Variants in DNHD1 observed in about 807,000 individuals in gnomAD.
DNHD1 encodes the protein dynein heavy chain domain-containing protein 1.
A neutral mutation model predicts 458.1 loss-of-function variants in DNHD1; 383 were observed. The observed-to-expected ratio is 0.84, with a 90% confidence interval of 0.77 to 0.91. DNHD1 has a LOEUF of 0.91. DNHD1 is among the 40% of genes least tolerant of loss of function. The pLI, the probability that DNHD1 is intolerant of heterozygous loss-of-function variation, is 0.00. For missense variants in DNHD1, 5,336 were observed against 5,866.1 expected, an observed-to-expected ratio of 0.91 and a Z score of 2.95; for synonymous variants, 2,203 against 2,376.9, an observed-to-expected ratio of 0.93 and a Z score of 2.13.
At chr11:6,526,365 CTTGTTT>C (rs1246992263) in intron 10 of DNHD1, among the ~76,000 whole-genome samples, 1 of 151,808 alleles carries the variant, frequency 6.6e-6, no homozygotes, top group Admixed American at 6.6e-5. Context: ...TGTCTTTTAG[CTTGTTT>C]TGAAATAGGC....
At chr11:6,529,147 C>T (rs1413213737) in intron 12 of DNHD1, 26 bp downstream of exon 12, 2 of 1,548,648 alleles carry the variant, frequency 1.3e-6, no homozygotes, top group Middle Eastern at 2.2e-4. Flanking sequence ...CTTCCCTCTC[C>T]TCCTTCCCTT....
chr11:6,563,275 A>G, intron 29 of DNHD1, 107 bp from the exon 30 acceptor site: 1 of 1,497,164 alleles, frequency 6.7e-7, no homozygotes, highest in South Asian at 1.2e-5. Flanking sequence ...TGGCTTGGGG[A>G]GTGGCCTCTC....
intron 28 of DNHD1, among the ~76,000 whole-genome samples, chr11:6,562,319 A>C (rs563931032): frequency 1.3e-5 from 2 of 152,300 alleles, no homozygotes; most frequent in South Asian, 4.1e-4. Context: ...CGCATAACCA[A>C]TACATTCATT....
At position 6,498,469 on chromosome 11, in the gene DNHD1, A is replaced by T. The variant is rs1460566805; in HGVS notation, c.254A>T (p.His85Leu). 1.9e-6 allele frequency: 3 copies of T among 1,614,168 alleles called. No homozygotes were observed. The highest frequency in any genetic ancestry group is 2.5e-6 in the Non-Finnish European group (3 of 1,180,034). Reference sequence around the variant, plus strand: ...AGCCCTGCAGCTTGGCGCTATCTTCATGCAGTACTGGGTCTACTGCCTCCA... The same window carrying T: ...AGCCCTGCAGCTTGGCGCTATCTTCTTGCAGTACTGGGTCTACTGCCTCCA... Reference protein sequence around the residue: ...DSSPAAWRYLHAVLGLLPPYR... With the variant: ...DSSPAAWRYLLAVLGLLPPYR... The change falls in exon 3 of 43, where the codon CAT becomes CTT. Residue 85 changes from histidine to leucine, a missense_variant. Physicochemically the swap from His to Leu is moderately conservative, Grantham distance 99 (BLOSUM62 -3). Coordinates refer to ENST00000254579, the MANE Select transcript of DNHD1 (RefSeq NM_144666.3).
chr11:6,538,571 G>C, intron 15 of DNHD1, 41 bp from the exon 16 acceptor site: 1 of 1,550,754 alleles, frequency 6.4e-7, no homozygotes, highest in Non-Finnish European at 8.7e-7. Flanking sequence ...GGTGGGGGAG[G>C]GGAAGAGTCT....
intron 7 of DNHD1, among the ~76,000 whole-genome samples, chr11:6,516,823 C>T (rs143711264): frequency 6.2e-4 from 94 of 152,172 alleles, no homozygotes; most frequent in African/African-American, 2.2e-3. Flanking sequence ...GAATAAGAAC[C>T]TTAGCATTAT....
chr11:6,558,466 G>A lies in DNHD1; in HGVS notation c.9003-19G>A. On this transcript the variant is annotated intron_variant, in intron 25 of 42. Coordinates refer to ENST00000254579, the MANE Select transcript of DNHD1 (RefSeq NM_144666.3). ...AGCAAAGGTAAAGGGGAGGACATTAGCTGAGCCCTGGCCCACAGGTTCCAC... is the reference window on the plus strand; with the variant it reads ...AGCAAAGGTAAAGGGGAGGACATTAACTGAGCCCTGGCCCACAGGTTCCAC... 1.3e-6 allele frequency: 2 copies of A among 1,551,190 alleles called. No individual in the cohort carries two copies. Among genetic ancestry groups the A allele is most frequent in the Non-Finnish European group, 8.7e-7 (1 of 1,146,952 alleles).
At chr11:6,516,213 T>G (rs1852460875) in intron 7 of DNHD1, among the ~76,000 whole-genome samples, 1 of 152,112 alleles carries the variant, frequency 6.6e-6, no homozygotes, top group Non-Finnish European at 1.5e-5. Flanking sequence ...TTTTGCAACA[T>G]GTATTTTAAA....
At chr11:6,535,520 A>G (rs1852928490) in intron 14 of DNHD1, among the ~76,000 whole-genome samples, 1 of 152,208 alleles carries the variant, frequency 6.6e-6, no homozygotes, top group Admixed American at 6.5e-5. Context: ...AGAAAGTAAG[A>G]AAGTATTAAA....
chr11:6,529,269 C>A, intron 12 of DNHD1, 148 bp downstream of exon 12: 1 of 876,150 alleles, frequency 1.1e-6, no homozygotes, highest in Non-Finnish European at 1.7e-6. Flanking sequence ...AGGTCCCAGG[C>A]CCTTTCCTTT....
In DNHD1 at chr11:6,557,866, G is replaced by C; in HGVS notation, c.8571G>C (p.Lys2857Asn). The change falls in exon 25 of 43, where the codon AAG (lysine) becomes AAC (asparagine). Residue 2857 changes from lysine (K) to asparagine (N), a missense_variant. By Grantham distance (94) the Lys-to-Asn change is moderately conservative. Coordinates refer to ENST00000254579, the MANE Select transcript of DNHD1 (RefSeq NM_144666.3). ...TGGCCACCTCAGCTGCTCAACTGAA[G>C]TTGAGCCCCCACCTGGCCCGGTGTC... ...EQLATSAAQL[K>N]LSPHLARCHS... 1 of 1,551,132 alleles carries C rather than the reference G, an allele frequency of 6.4e-7. No individual in the cohort carries two copies. Among genetic ancestry groups the C allele is most frequent in the Non-Finnish European group, 8.7e-7 (1 of 1,146,948 alleles).
Position 6,545,855 on chromosome 11 carries a change from G to A in DNHD1, c.4916G>A (p.Trp1639Ter). 1 of 1,551,856 alleles carries A rather than the reference G, an allele frequency of 6.4e-7. No individual in the cohort carries two copies. Among genetic ancestry groups the A allele is most frequent in the Admixed American group, 2.0e-5 (1 of 51,012 alleles). Residue 1639 changes from tryptophan to a stop codon, truncating the protein, a stop_gained, in exon 21 of 43, where the codon TGG becomes TAG. Coordinates refer to ENST00000254579, the MANE Select transcript of DNHD1 (RefSeq NM_144666.3). LOFTEE classifies it high-confidence loss of function. The surrounding 1 kb of genome is among the most constrained non-coding windows in gnomAD (Gnocchi z 4.9). ...SEPSLSPAAC[W>*]IDVLGRSFLY... is the part of the protein sequence containing the mutation. ...CCCTCTCTGTCACCAGCGGCATGCTGGATAGATGTGCTAGGCAGGTCCTTC... is the reference window on the plus strand; with the variant it reads ...CCCTCTCTGTCACCAGCGGCATGCTAGATAGATGTGCTAGGCAGGTCCTTC...
chr11:6,498,395 C>G lies in DNHD1; in HGVS notation c.180C>G (p.Leu60=), dbSNP rs367954626. The part of the protein sequence containing the change: ...TESEQPTVLE[L]LLAELRTLFS... ...CAGAGCAGCCCACAGTGCTGGAACT[C>G]CTGCTAGCTGAGCTCCGAACTCTGT... The change falls in exon 3 of 43, where the codon CTC becomes CTG. Residue 60 remains leucine (L), a synonymous_variant. Transcript: ENST00000254579. 60 of 1,614,106 alleles carry G rather than the reference C, an allele frequency of 3.7e-5. No homozygotes were observed. Among genetic ancestry groups the G allele is most frequent in the African/African-American group, 4.0e-5 (3 of 74,944 alleles).
At chr11:6,530,566 T>G (rs1410974231) in intron 12 of DNHD1, among the ~76,000 whole-genome samples, 1 of 152,240 alleles carries the variant, frequency 6.6e-6, no homozygotes, top group African/African-American at 2.4e-5. Flanking sequence ...GACTAGATCC[T>G]GTTGGACCCG....
In DNHD1 at chr11:6,498,541, A is replaced by G; in HGVS notation, c.326A>G (p.Glu109Gly). 1.9e-6 allele frequency: 3 copies of G among 1,614,170 alleles called. No individual in the cohort carries two copies. Among genetic ancestry groups the G allele is most frequent in the Admixed American group, 1.7e-5 (1 of 60,026 alleles). ...VGHLDLLPFL[E>G]QLYCWAPWVQ... ...CACCTTGATTTGCTGCCCTTCCTGG[A>G]GCAGCTGTACTGCTGGGCACCCTGG... Residue 109 changes from glutamate to glycine, a missense_variant, in exon 3 of 43, where the codon GAG (glutamate) becomes GGG (glycine). Physicochemically the swap from Glu to Gly is moderately conservative, Grantham distance 98. Around this residue, in one of 4 missense-constraint regions of DNHD1, gnomAD observed 3,932 missense variants for 4,365.6 expected, o/e 0.90. Coordinates refer to ENST00000254579, the MANE Select transcript of DNHD1 (RefSeq NM_144666.3).
In DNHD1 at chr11:6,552,237, G is replaced by T. The variant is rs919765356; in HGVS notation, c.7387+3304G>T. 6.8e-5 allele frequency among the ~76,000 whole-genome samples: 9 copies of T among 132,022 alleles called. 1 individual carries two copies. Among genetic ancestry groups the T allele is most frequent in the Non-Finnish European group, 1.3e-4 (8 of 63,140 alleles). 86.6% of individuals were successfully genotyped at this position (132,022 alleles called of 152,430 possible). A position where few individuals can be genotyped will look rare whatever the true frequency, so the allele number is the denominator to read the frequency against. Reference sequence around the variant, plus strand: ...ACTGGGTAATTCATAAAGAAAAGAGGGTTAGGCCAGGCATGGTGGCTCACG... The same window carrying T: ...ACTGGGTAATTCATAAAGAAAAGAGTGTTAGGCCAGGCATGGTGGCTCACG... On this transcript the variant is annotated intron_variant, in intron 24 of 42. Transcript: ENST00000254579.
rs772646153 is a variant in DNHD1, at chr11:6,548,237, A to G, written c.6933A>G (p.Ile2311Met). Residue 2311 changes from isoleucine (I) to methionine (M), a missense_variant, in exon 23 of 43, where the codon ATA becomes ATG. This residue lies in a region of DNHD1 where 3,932 missense variants were observed against 4,365.6 expected (regional missense o/e 0.90). Coordinates refer to ENST00000254579, the MANE Select transcript of DNHD1 (RefSeq NM_144666.3). The surrounding 1 kb of genome is among the most constrained non-coding windows in gnomAD (Gnocchi z 4.4). ...SRFWPIFDTFIRDSISRLSNY... is the reference protein window; with the variant it reads ...SRFWPIFDTFMRDSISRLSNY... ...TCTGGCCCATCTTTGATACCTTCATAAGGGATTCTATTAGTCGCCTCTCCA... is the reference window on the plus strand; with the variant it reads ...TCTGGCCCATCTTTGATACCTTCATGAGGGATTCTATTAGTCGCCTCTCCA... 3.9e-5 allele frequency: 60 copies of G among 1,551,488 alleles called. No individual in the cohort carries two copies. The highest frequency in any genetic ancestry group is 5.9e-5 in the Admixed American group (3 of 50,978).
At position 6,533,834 on chromosome 11, in the gene DNHD1, A is replaced by G; in HGVS notation, c.2659A>G (p.Ile887Val). 1 of 1,551,174 alleles carries G rather than the reference A, an allele frequency of 6.4e-7. No individual in the cohort carries two copies. Among genetic ancestry groups the G allele is most frequent in the Non-Finnish European group, 8.7e-7 (1 of 1,146,894 alleles). The change falls in exon 14 of 43, where the codon ATC (isoleucine) becomes GTC (valine). Residue 887 changes from isoleucine to valine, a missense_variant. By Grantham distance (29) the Ile-to-Val change is conservative. Transcript: ENST00000254579. ...GAGAAGGCAATTCGGGGAGTCACCCATCCCTCCCTGCCCTCCTCCCCCACA... is the reference window on the plus strand; with the variant it reads ...GAGAAGGCAATTCGGGGAGTCACCCGTCCCTCCCTGCCCTCCTCCCCCACA... ...SVRRQFGESP[I>V]PPCPPPPQPH...
chr11:6,519,456 TA>T, intron 7 of DNHD1, 143 bp from the exon 8 acceptor site: 1 of 863,208 alleles, frequency 1.2e-6, no homozygotes, highest in Non-Finnish European at 1.8e-6. Context: ...TGGGGTAGGG[TA>T]AACTCTACTA....
Sources: gnomAD v4.1 joint callset for allele counts (sites outside exome capture counted in the v4.1 genomes callset) on GRCh38, gnomAD v4.1.1 for gene constraint, gnomAD v4.1.1 regional missense constraint, Gnocchi (gnomAD v3.1) non-coding constraint, MANE v1.5 for transcripts, NCBI Gene and HGNC (gene_info 2026-07-23, HGNC 2026-07-21) for gene names.